The following OR9Q1 variants were observed in gnomAD, a reference collection of about 807,000 sequenced individuals.
OR9Q1 encodes olfactory receptor family 9 subfamily Q member 1, also known as olfactory receptor 9Q1.
For missense variants in OR9Q1, 374 were observed against 378.8 expected, an observed-to-expected ratio of 0.99 and a Z score of 0.11; for synonymous variants, 153 against 148.6, an observed-to-expected ratio of 1.03 and a Z score of -0.22.
intron 1 of OR9Q1, among the ~76,000 whole-genome samples, chr11:58,053,296 C>T (rs28809928): frequency 4.4e-4 from 67 of 151,682 alleles, no homozygotes; most frequent in African/African-American, 1.5e-3. Context: ...ATGTACTTTG[C>T]AGGGACATGG....
intron 2 of OR9Q1, among the ~76,000 whole-genome samples, chr11:58,095,433 G>A (rs747048512): frequency 2.0e-5 from 3 of 152,176 alleles, no homozygotes; most frequent in Non-Finnish European, 4.4e-5. Context: ...GTATTAGTTC[G>A]TTCTCCTGTG....
chr11:58,120,042 T>A (rs376098892), intron 2 of OR9Q1, among the ~76,000 whole-genome samples: 1 of 152,344 alleles, frequency 6.6e-6, no homozygotes, highest in South Asian at 2.1e-4. Context: ...TACTATATAA[T>A]TATTCAATGG....
intron 1 of OR9Q1, among the ~76,000 whole-genome samples, chr11:58,048,679 A>AAAATATATAT (rs745596668): frequency 1.2e-4 from 16 of 131,430 alleles, no homozygotes; most frequent in East Asian, 7.8e-4. Context: ...TAAAAAAAAA[A>AAAATATATAT]ATATATATAT....
chr11:58,179,741 T>C lies in OR9Q1; in HGVS notation c.297T>C (p.Ala99=), dbSNP rs756729302. 1 of 1,614,210 alleles carries C rather than the reference T, an allele frequency of 6.2e-7. No individual in the cohort carries two copies. The highest frequency in any genetic ancestry group is 1.7e-5 in the Admixed American group (1 of 60,034). Residue 99 remains alanine, a synonymous_variant, in exon 3 of 3, where the codon GCT becomes GCC. Transcript: ENST00000335397. The part of the protein sequence containing the change: ...GAALSYTRCA[A]QFFLFTFFGS... ...CTTTATCTTACACACGCTGTGCTGC[T>C]CAGTTCTTTCTGTTCACCTTCTTTG...
chr11:58,045,794 C>T (rs1420919905), intron 1 of OR9Q1, among the ~76,000 whole-genome samples: 1 of 152,166 alleles, frequency 6.6e-6, no homozygotes, highest in East Asian at 1.9e-4. Flanking sequence ...CAAACACTAC[C>T]TAAGCCTCAG....
chr11:58,088,431 C>T (rs1853653830), intron 2 of OR9Q1, among the ~76,000 whole-genome samples: 1 of 151,878 alleles, frequency 6.6e-6, no homozygotes, highest in Non-Finnish European at 1.5e-5. Flanking sequence ...AATTTACAGT[C>T]CCATCAATAG....
chr11:58,096,260 A>C (rs532307342), intron 2 of OR9Q1, among the ~76,000 whole-genome samples: 65 of 151,598 alleles, frequency 4.3e-4, no homozygotes, highest in South Asian at 1.3e-3. Context: ...TTCATCTTAC[A>C]TGTATAGCTG....
intron 2 of OR9Q1, among the ~76,000 whole-genome samples, chr11:58,107,601 A>T (rs143011419): frequency 5.5e-4 from 84 of 152,276 alleles, no homozygotes; most frequent in Admixed American, 1.4e-3. Flanking sequence ...TGGTAGCATG[A>T]TTTGTAATCC....
chr11:58,077,382 G>A (rs1853547478), intron 2 of OR9Q1: 1 of 152,162 alleles, frequency 6.6e-6, no homozygotes, highest in African/African-American at 2.4e-5. Flanking sequence ...GTTACCTATG[G>A]CCTTTTTGAA....
At chr11:58,064,913 C>T (rs896988614) in intron 2 of OR9Q1, among the ~76,000 whole-genome samples, 1 of 151,918 alleles carries the variant, frequency 6.6e-6, no homozygotes, top group Non-Finnish European at 1.5e-5. Flanking sequence ...GATTTAGACA[C>T]ATACACACAC....
At chr11:58,126,964 G>A (rs1182480103) in intron 2 of OR9Q1, among the ~76,000 whole-genome samples, 1 of 151,984 alleles carries the variant, frequency 6.6e-6, no homozygotes, top group Non-Finnish European at 1.5e-5. Flanking sequence ...TTATTGTTAA[G>A]CATTTCACCA....
intron 2 of OR9Q1, among the ~76,000 whole-genome samples, chr11:58,079,860 C>T (rs1029739478): frequency 1.3e-5 from 2 of 152,114 alleles, no homozygotes; most frequent in African/African-American, 4.8e-5. Flanking sequence ...TCAGCCAAGT[C>T]CCACTCAGAC....
intron 2 of OR9Q1, among the ~76,000 whole-genome samples, chr11:58,084,949 A>G (rs1285206987): frequency 1.3e-5 from 2 of 151,970 alleles, no homozygotes; most frequent in East Asian, 1.9e-4. Flanking sequence ...CAGAGCAATC[A>G]GGCAAGAGAA....
intron 2 of OR9Q1, among the ~76,000 whole-genome samples, chr11:58,071,833 T>A (rs1372275830): frequency 6.6e-6 from 1 of 152,204 alleles, no homozygotes; most frequent in Non-Finnish European, 1.5e-5. Flanking sequence ...ATCTAATAAA[T>A]AAATTCATAA....
intron 2 of OR9Q1, among the ~76,000 whole-genome samples, chr11:58,066,952 C>T (rs540498275): frequency 6.6e-6 from 1 of 152,162 alleles, no homozygotes; most frequent in East Asian, 1.9e-4. Context: ...GGAGTGTGTG[C>T]TGTCCATCGT....
chr11:58,136,808 C>A (rs943942976), intron 2 of OR9Q1, among the ~76,000 whole-genome samples: 1 of 152,184 alleles, frequency 6.6e-6, no homozygotes. Context: ...CTCTCCCAAT[C>A]CCCCTTCAGA....
At chr11:58,038,828 G>C (rs926159657) in intron 1 of OR9Q1, among the ~76,000 whole-genome samples, 9 of 152,014 alleles carry the variant, frequency 5.9e-5, no homozygotes, top group Non-Finnish European at 8.8e-5. Flanking sequence ...CGTTTTTCAG[G>C]GTTCTTAGTC....
intron 2 of OR9Q1, among the ~76,000 whole-genome samples, chr11:58,071,214 C>G (rs1202468077): frequency 2.0e-4 from 31 of 152,050 alleles, no homozygotes; most frequent in Admixed American, 2.0e-3. Flanking sequence ...GGGGCTGGGC[C>G]TGTTGGCTCA....
intron 2 of OR9Q1, among the ~76,000 whole-genome samples, chr11:58,097,780 A>G (rs1853745614): frequency 6.6e-6 from 1 of 152,228 alleles, no homozygotes; most frequent in Non-Finnish European, 1.5e-5. Flanking sequence ...TCAGCAATCA[A>G]AAAGAACTAA....
Sources: allele counts gnomAD v4.1 joint callset (sites outside exome capture counted in the v4.1 genomes callset), GRCh38; gene constraint gnomAD v4.1.1; transcripts MANE v1.5; gene names NCBI Gene and HGNC (gene_info 2026-07-23, HGNC 2026-07-21).